The following NAALADL2 variants were observed in gnomAD, a reference collection of about 807,000 sequenced individuals.
NAALADL2 encodes N-acetylated alpha-linked acidic dipeptidase like 2, also known as inactive N-acetylated-alpha-linked acidic dipeptidase-like protein 2.
Under a neutral mutation model 87.2 loss-of-function variants are expected in NAALADL2, and 76 were observed. The ratio of observed to expected loss-of-function variants is 0.87; its 90% CI spans 0.72 to 1.05. The LOEUF is 1.05. Ranked by LOEUF, NAALADL2 falls within the 50% of genes least tolerant of loss-of-function variation. The pLI, the probability that NAALADL2 is intolerant of heterozygous loss-of-function variation, is 0.00. For synonymous variants in NAALADL2, 354 were observed against 331.0 expected, an observed-to-expected ratio of 1.07 and a Z score of -0.75; for missense variants, 1,089 against 945.8, an observed-to-expected ratio of 1.15 and a Z score of -1.99.
intron 12 of NAALADL2, among the ~76,000 whole-genome samples, chr3:175,742,420 C>T (rs540563011): frequency 6.6e-6 from 1 of 152,134 alleles, no homozygotes; most frequent in African/African-American, 2.4e-5. Flanking sequence ...TTTTCTGAGA[C>T]GGAGTCTCGC....
chr3:175,422,114 G>A (rs62285186), intron 5 of NAALADL2, among the ~76,000 whole-genome samples: 2,848 of 152,122 alleles, frequency 0.019, 35 homozygotes, highest in Non-Finnish European at 0.029. Flanking sequence ...TGAAGTATTC[G>A]TGTAGATGAT....
chr3:175,650,037 T>C (rs2149785487), intron 11 of NAALADL2, among the ~76,000 whole-genome samples: 1 of 138,190 alleles, frequency 7.2e-6, no homozygotes, highest in African/African-American at 2.8e-5. Flanking sequence ...ATAGCAGCAT[T>C]ATTCAGAATA....
At chr3:174,785,257 G>A (rs1469007036) in intron 3 of NAALADL2, among the ~76,000 whole-genome samples, 1 of 151,976 alleles carries the variant, frequency 6.6e-6, no homozygotes, top group Non-Finnish European at 1.5e-5. Flanking sequence ...ATTTAAGTTG[G>A]TGCAAAAATA....
chr3:175,155,445 C>A (rs142530620), intron 2 of NAALADL2, among the ~76,000 whole-genome samples: 1 of 152,002 alleles, frequency 6.6e-6, no homozygotes, highest in East Asian at 1.9e-4. Context: ...AGCTACAGAG[C>A]CTTCACCACA....
intron 4 of NAALADL2, among the ~76,000 whole-genome samples, chr3:175,312,952 G>C (rs552483607): frequency 5.9e-5 from 9 of 152,138 alleles, no homozygotes; most frequent in African/African-American, 2.2e-4. Context: ...AGTTTGCTAG[G>C]GCTGCCATAG....
intron 2 of NAALADL2, among the ~76,000 whole-genome samples, chr3:174,601,001 A>C (rs1267589537): frequency 1.3e-5 from 2 of 152,196 alleles, no homozygotes; most frequent in African/African-American, 4.8e-5. Context: ...CAGGCATGCA[A>C]TGCATAATAA....
At chr3:175,769,438 T>C (rs1218616215) in intron 13 of NAALADL2, among the ~76,000 whole-genome samples, 1 of 152,108 alleles carries the variant, frequency 6.6e-6, no homozygotes, top group African/African-American at 2.4e-5. Flanking sequence ...GACTGAAAAA[T>C]CAAACAAGGG....
At chr3:174,765,021 G>C (rs886956661) in intron 3 of NAALADL2, among the ~76,000 whole-genome samples, 1 of 151,632 alleles carries the variant, frequency 6.6e-6, no homozygotes, top group African/African-American at 2.4e-5. Context: ...TTCTGTGACA[G>C]CATTAAAATA....
chr3:174,732,475 A>G (rs1732797008), intron 2 of NAALADL2, among the ~76,000 whole-genome samples: 1 of 152,122 alleles, frequency 6.6e-6, no homozygotes, highest in South Asian at 2.1e-4. Context: ...ATGTTGAGTA[A>G]CAAATATCAT....
chr3:174,698,796 G>T (rs992757371), intron 2 of NAALADL2, among the ~76,000 whole-genome samples: 1 of 109,594 alleles, frequency 9.1e-6, no homozygotes, highest in Non-Finnish European at 1.7e-5. Context: ...CCCGGGAGGC[G>T]GAGCTTGCAG....
At chr3:175,758,147 G>C (rs980057304) in intron 13 of NAALADL2, among the ~76,000 whole-genome samples, 2 of 151,750 alleles carry the variant, frequency 1.3e-5, no homozygotes, top group African/African-American at 4.8e-5. Context: ...GTCTGCCCCT[G>C]AGTTAAAAAT....
At chr3:175,004,912 G>A (rs1273445064) in intron 1 of NAALADL2, among the ~76,000 whole-genome samples, 1 of 151,034 alleles carries the variant, frequency 6.6e-6, no homozygotes, top group Admixed American at 6.6e-5. Flanking sequence ...TTGGTCCCAA[G>A]CACTTCAGAT....
chr3:174,634,860 C>A (rs1409738061), intron 2 of NAALADL2, among the ~76,000 whole-genome samples: 2 of 152,014 alleles, frequency 1.3e-5, no homozygotes, highest in African/African-American at 4.8e-5. Flanking sequence ...TTAAATATGA[C>A]AATGTTTATA....
intron 9 of NAALADL2, among the ~76,000 whole-genome samples, chr3:175,505,143 T>G (rs1007745241): frequency 1.3e-5 from 2 of 151,976 alleles, no homozygotes; most frequent in Non-Finnish European, 2.9e-5. Context: ...CTCTACCTAG[T>G]TACAAAAGAG....
intron 13 of NAALADL2, among the ~76,000 whole-genome samples, chr3:175,780,573 C>T (rs546571775): frequency 4.6e-5 from 7 of 152,236 alleles, no homozygotes; most frequent in African/African-American, 1.7e-4. Context: ...AATAAAACCA[C>T]AGGAGGGCAA....
At chr3:175,625,292 A>G (rs1171155703) in intron 10 of NAALADL2, among the ~76,000 whole-genome samples, 3 of 151,962 alleles carry the variant, frequency 2.0e-5, no homozygotes, top group Non-Finnish European at 4.4e-5. Flanking sequence ...TTCAAACATT[A>G]TGGGTGTTAT....
chr3:175,006,009 C>T (rs1364163747), intron 1 of NAALADL2, among the ~76,000 whole-genome samples: 1 of 152,120 alleles, frequency 6.6e-6, no homozygotes, highest in Non-Finnish European at 1.5e-5. Context: ...ACGATGTGCG[C>T]GGTAACAGCC....
intron 2 of NAALADL2, among the ~76,000 whole-genome samples, chr3:175,101,061 T>C (rs144996563): frequency 2.6e-4 from 39 of 152,014 alleles, no homozygotes; most frequent in African/African-American, 9.4e-4. Context: ...AAGTCTCCAG[T>C]TGTAGAATAA....
chr3:174,584,376 T>C lies in NAALADL2; in HGVS notation c.-115+33739T>C, dbSNP rs113772630. 7.1e-3 allele frequency among the ~76,000 whole-genome samples: 1,088 copies of C among 152,268 alleles called. 12 individuals carry two copies. The highest frequency in any genetic ancestry group is 0.024 in the African/African-American group (1,017 of 41,564). ...GTGCATGTTTTAAAGATTAAGTATG[T>C]GTACACTTCAACCTTCTACAAGTGA... On this transcript the variant is annotated intron_variant, in intron 2 of 3. Transcript: ENST00000434257.
Sources: gnomAD v4.1 joint callset for allele counts (sites outside exome capture counted in the v4.1 genomes callset) on GRCh38, gnomAD v4.1.1 for gene constraint, MANE v1.5 for transcripts, NCBI Gene and HGNC (gene_info 2026-07-23, HGNC 2026-07-21) for gene names.